KSR2: variants seen among roughly 807,000 people sequenced by gnomAD.
KSR2 encodes kinase suppressor of ras 2.
In KSR2, 25 loss-of-function variants were observed where a neutral mutation model predicts 107.8. That is an observed-to-expected ratio of 0.23 (90% CI 0.17 to 0.32). The LOEUF is 0.32. Ranked by LOEUF, KSR2 falls within the 10% of genes least tolerant of loss-of-function variation. The probability of loss-of-function intolerance (pLI) is 1.00; values close to 1 mark genes in which losing one functional copy is unlikely to be tolerated. For synonymous variants in KSR2, 480 were observed against 507.0 expected (o/e 0.95, Z 0.71); for missense variants, 887 against 1,268.9 (o/e 0.70, Z 4.57).
chr12:117,667,584 T>C lies in KSR2; in HGVS notation c.1061A>G (p.Gln354Arg). 6.2e-7 allele frequency: 1 copy of C among 1,613,410 alleles called. No homozygotes were observed. Among genetic ancestry groups the C allele is most frequent in the Non-Finnish European group, 8.5e-7 (1 of 1,179,708 alleles). Residue 354 changes from glutamine to arginine, a missense_variant, in exon 5 of 20, where the codon CAG (glutamine) becomes CGG (arginine). Around this residue, in one of 8 missense-constraint regions of KSR2, gnomAD observed 399 missense variants for 479.5 expected, o/e 0.83. Transcript: ENST00000339824. ...SVGSCENIPS[Q>R]QRSPLLSERS... ...CTCGGACAGCAGCGGGGAGCGCTGC[T>C]GAGAGGGGATGTTCTCGCAGCTGCC... is the stretch of plus-strand genomic sequence containing the variant.
rs142012539 is a variant in KSR2, at chr12:117,728,421, A to C, written c.986+32590T>G. Among the ~76,000 whole-genome samples, 1,070 of 152,322 alleles carry C rather than the reference A, an allele frequency of 7.0e-3. 9 individuals are homozygous for C. Among genetic ancestry groups the C allele is most frequent in the Non-Finnish European group, 0.011 (730 of 68,028 alleles). On this transcript the variant is annotated intron_variant, in intron 4 of 19. Coordinates refer to ENST00000339824, the MANE Select transcript of KSR2 (RefSeq NM_173598.6). ...CTCACAAATTCTTCACCGGAGTCCAAGTTTGCAGAGATGCTCAAAGCAAAT... is the reference window on the plus strand; with the variant it reads ...CTCACAAATTCTTCACCGGAGTCCACGTTTGCAGAGATGCTCAAAGCAAAT...
intron 5 of KSR2, among the ~76,000 whole-genome samples, chr12:117,619,925 C>T (rs969245737): frequency 1.3e-5 from 2 of 152,054 alleles, no homozygotes; most frequent in African/African-American, 4.8e-5. Context: ...CAAGAAGACA[C>T]TTTGCACAAA....
intron 1 of KSR2, among the ~76,000 whole-genome samples, chr12:117,928,179 T>C (rs1593376681): frequency 1.5e-5 from 1 of 67,394 alleles, no homozygotes; most frequent in Admixed American, 2.6e-4. Flanking sequence ...CATTCCTTCT[T>C]TCCTTTTTTT....
intron 3 of KSR2, among the ~76,000 whole-genome samples, chr12:117,794,632 ACAC>A (rs148743886): frequency 0.078 from 11,686 of 149,602 alleles, 599 homozygotes; most frequent in Non-Finnish European, 0.12. Context: ...ATACACACAC[ACAC>A]CAATATGCAC....
chr12:117,793,249 C>T (rs1890348823), intron 3 of KSR2, among the ~76,000 whole-genome samples: 1 of 143,732 alleles, frequency 7.0e-6, no homozygotes, highest in African/African-American at 2.7e-5. Context: ...CCAACCTGCA[C>T]ACACCCTCAC....
rs187769083 is a variant in KSR2, at chr12:117,467,216, G to A, written c.2847-11C>T. On this transcript the variant is annotated splice_polypyrimidine_tract_variant and intron_variant, in intron 19 of 19. Coordinates refer to ENST00000339824, the MANE Select transcript of KSR2 (RefSeq NM_173598.6). ...TCCAAAGGTCACAGCCTGGAGTGGG[G>A]AGAGAAGGGAGAGAGTGGTGAGAGG... The A allele has an allele frequency of 1.2e-5, 9 of 733,092 alleles. No individual in the cohort carries two copies. Among genetic ancestry groups the A allele is most frequent in the Non-Finnish European group, 2.3e-5 (9 of 397,960 alleles). 45.4% of individuals were successfully genotyped at this position (733,092 alleles called of 1,614,324 possible).
chr12:117,539,806 G>T lies in KSR2; in HGVS notation c.1600C>A (p.Pro534Thr), dbSNP rs1387719054. 6.2e-7 allele frequency: 1 copy of T among 1,608,336 alleles called. No individual in the cohort carries two copies. Among genetic ancestry groups the T allele is most frequent in the Non-Finnish European group, 8.5e-7 (1 of 1,177,552 alleles). ...GGCGTGGCACTAGGAGGGAGGGGGG[G>T]TGCTGGCGAGGAGGGCGTGGAGGAC... ...TTSSTPSSPA[P>T]PLPPSATPPS... Residue 534 changes from proline to threonine, a missense_variant, in exon 10 of 20, where the codon CCC (proline) becomes ACC (threonine). Pro to Thr is a conservative substitution (Grantham distance 38). Transcript: ENST00000339824.
chr12:117,852,292 GT>G (rs1892955847), intron 3 of KSR2, among the ~76,000 whole-genome samples: 1 of 151,966 alleles, frequency 6.6e-6, no homozygotes, highest in African/African-American at 2.4e-5. Context: ...GCTGGGCGTG[GT>G]GGCATGCACC....
At chr12:117,932,251 C>A (rs980953556) in intron 1 of KSR2, among the ~76,000 whole-genome samples, 15 of 152,144 alleles carry the variant, frequency 9.9e-5, no homozygotes, top group Admixed American at 2.6e-4. Context: ...AGTGCCACTG[C>A]ACTCCAGCTT....
At chr12:117,639,559 A>G (rs974169870) in intron 5 of KSR2, among the ~76,000 whole-genome samples, 76 of 150,360 alleles carry the variant, frequency 5.1e-4, no homozygotes, top group African/African-American at 1.9e-3. Flanking sequence ...CAAACTCCTG[A>G]CTTCAAGGAC....
At chr12:117,536,822 A>G (rs1876086584) in intron 10 of KSR2, among the ~76,000 whole-genome samples, 1 of 152,236 alleles carries the variant, frequency 6.6e-6, no homozygotes, top group Admixed American at 6.5e-5. Flanking sequence ...TCACTGTTAC[A>G]GTGAAGTCCT....
rs181992271 is a variant in KSR2 at position 117,881,885 on chromosome 12, T to C, written c.181-21454A>G. ...CAATTAATATTAATATTTCTTGAGG[T>C]TGTGAGAAGAGAGAACAGAAGACTG... On this transcript the variant is annotated intron_variant, in intron 1 of 19. Coordinates refer to ENST00000339824, the MANE Select transcript of KSR2 (RefSeq NM_173598.6). Among the ~76,000 whole-genome samples, 6 of 152,172 alleles carry C rather than the reference T, an allele frequency of 3.9e-5. No individual in the cohort carries two copies. The East Asian group carries it at 1.2e-3, about 29-fold the overall frequency.
chr12:117,705,616 C>T (rs1017573905), intron 4 of KSR2, among the ~76,000 whole-genome samples: 1 of 152,234 alleles, frequency 6.6e-6, no homozygotes, highest in Non-Finnish European at 1.5e-5. Flanking sequence ...TGCCTGGTGA[C>T]AGGTTCCATC....
chr12:117,582,241 C>G (rs776624460), intron 6 of KSR2, 49 bp downstream of exon 6: 2 of 1,544,876 alleles, frequency 1.3e-6, no homozygotes, highest in East Asian at 4.5e-5. Flanking sequence ...GCCCCCACCC[C>G]TCACAGAGCT....
chr12:117,911,203 A>T (rs11068740), intron 1 of KSR2, among the ~76,000 whole-genome samples: 1 of 148,152 alleles, frequency 6.7e-6, no homozygotes, highest in East Asian at 2.0e-4. Flanking sequence ...CACACACTCA[A>T]GAAACAAGAA....
chr12:117,815,852 G>A (rs1020391027), intron 3 of KSR2, among the ~76,000 whole-genome samples: 3 of 152,166 alleles, frequency 2.0e-5, no homozygotes, highest in Non-Finnish European at 4.4e-5. Flanking sequence ...GCATAGGCCT[G>A]TAATCCCAGC....
At chr12:117,755,028 G>T (rs780850960) in intron 4 of KSR2, among the ~76,000 whole-genome samples, 1 of 152,172 alleles carries the variant, frequency 6.6e-6, no homozygotes, top group Admixed American at 6.5e-5. Flanking sequence ...CAGGGGTGAA[G>T]GAGAGAAGAA....
At chr12:117,626,333 T>TG (rs1290012863) in intron 5 of KSR2, among the ~76,000 whole-genome samples, 7 of 152,224 alleles carry the variant, frequency 4.6e-5, no homozygotes, top group African/African-American at 7.2e-5. Context: ...CTTTCTCTTG[T>TG]GGGCATTTAG....
intron 3 of KSR2, among the ~76,000 whole-genome samples, chr12:117,765,041 G>C (rs899020546): frequency 6.6e-6 from 1 of 152,182 alleles, no homozygotes; most frequent in African/African-American, 2.4e-5. Context: ...GTGTGTAGTG[G>C]TTCTGACAGC....
Sources: gnomAD v4.1 joint callset for allele counts (sites outside exome capture counted in the v4.1 genomes callset) on GRCh38, gnomAD v4.1.1 for gene constraint, gnomAD v4.1.1 regional missense constraint, MANE v1.5 for transcripts, NCBI Gene and HGNC (gene_info 2026-07-23, HGNC 2026-07-21) for gene names.